The following PCDHGA8 variants were observed in gnomAD, a reference collection of about 807,000 sequenced individuals.
PCDHGA8 encodes the protein protocadherin gamma-A8.
In PCDHGA8, 45 loss-of-function variants were observed where a neutral mutation model predicts 59.2. That is an observed-to-expected ratio of 0.76 (90% confidence interval 0.60 to 0.98). The LOEUF is 0.98. Among genes scored for constraint, PCDHGA8 ranks in the 50% least tolerant of loss-of-function variants. PCDHGA8 has a pLI of 0.00. For missense variants in PCDHGA8, 1,257 were observed against 1,196.2 expected (o/e 1.05, Z -0.75); for synonymous variants, 531 against 519.0 (o/e 1.02, Z -0.32).
chr5:141,508,737 C>A (rs919094477), intron 3 of PCDHGA8, among the ~76,000 whole-genome samples: 8 of 152,010 alleles, frequency 5.3e-5, no homozygotes, highest in Non-Finnish European at 1.2e-4. Flanking sequence ...CTACACCCCC[C>A]ACCCCGCTCT....
At position 141,394,104 on chromosome 5, in the gene PCDHGA8, C is replaced by T. The variant is rs761567726; in HGVS notation, c.1291C>T (p.Pro431Ser). ...GATGGCCTCAGATCTAGGAACACCA[C>T]CTCTGTCCACTGAAACTCAAATCGC... ...TVMASDLGTP[P>S]LSTETQIALH... Residue 431 changes from proline to serine, a missense_variant, in exon 1 of 4, where the codon CCT becomes TCT. Coordinates refer to ENST00000398604, the MANE Select transcript of PCDHGA8 (RefSeq NM_032088.2). 6.2e-7 allele frequency: 1 copy of T among 1,613,824 alleles called. No individual in the cohort carries two copies. The highest frequency in any genetic ancestry group is 1.3e-5 in the African/African-American group (1 of 74,926).
intron 1 of PCDHGA8, chr5:141,400,255 C>A (rs2093990770): frequency 4.3e-6 from 7 of 1,613,928 alleles, no homozygotes; most frequent in Non-Finnish European, 1.7e-6. Context: ...CGTTGCCTTG[C>A]GCCTGCGACG....
intron 1 of PCDHGA8, among the ~76,000 whole-genome samples, chr5:141,469,212 G>A (rs114294512): frequency 0.021 from 3,174 of 151,360 alleles, 54 homozygotes; most frequent in Non-Finnish European, 0.032. Flanking sequence ...TTGAAGTTGA[G>A]GCTTCAGTGA....
intron 1 of PCDHGA8, chr5:141,404,577 T>C (rs2094542300): frequency 6.2e-7 from 1 of 1,613,954 alleles, no homozygotes; most frequent in South Asian, 1.1e-5. Context: ...AGCCCACCAC[T>C]TAGCAGCAAT....
chr5:141,427,998 C>T, intron 1 of PCDHGA8: 1 of 1,600,956 alleles, frequency 6.2e-7, no homozygotes, highest in Non-Finnish European at 8.6e-7. Flanking sequence ...TGGCTCCGCA[C>T]TCTTCGATAT....
chr5:141,483,620 A>G (rs192148102), intron 1 of PCDHGA8, among the ~76,000 whole-genome samples: 472 of 151,650 alleles, frequency 3.1e-3, no homozygotes, highest in Non-Finnish European at 5.0e-3. Context: ...CATCATTCCC[A>G]TGGGAGAAGG....
At chr5:141,497,541 T>C (rs1157403777) in intron 2 of PCDHGA8, among the ~76,000 whole-genome samples, 9 of 89,564 alleles carry the variant, frequency 1.0e-4, no homozygotes, top group Non-Finnish European at 2.1e-4. Context: ...GCAACAAACC[T>C]TTTTTTTTTT....
rs756658304 is a variant in PCDHGA8, at chr5:141,485,531, G to C, written c.2425-9276G>C. 6.8e-6 allele frequency: 11 copies of C among 1,614,218 alleles called. No homozygotes were observed. In the Admixed American group the frequency reaches 1.5e-4, roughly 22 times the overall value. On this transcript the variant is annotated intron_variant, in intron 1 of 3. Transcript: ENST00000398604. This position sits in a 1 kb window ranked among gnomAD's most constrained non-coding sequence, Gnocchi z 5.7. ...AGGTCCTTTGGAAATGTACCGAGCA[G>C]AGGTAGAGATCGTAGATGTGAATGA... is the stretch of plus-strand genomic sequence containing the variant.
At chr5:141,423,755 G>GT (rs542747697) in intron 1 of PCDHGA8, 5 of 512,416 alleles carry the variant, frequency 9.8e-6, no homozygotes, top group Admixed American at 7.1e-5. Context: ...CTGTTTGGGG[G>GT]GGGGGTGGGG....
intron 1 of PCDHGA8, among the ~76,000 whole-genome samples, chr5:141,442,843 G>C (rs1264073611): frequency 2.0e-5 from 3 of 152,134 alleles, no homozygotes; most frequent in African/African-American, 7.2e-5. Flanking sequence ...GACAAATCTT[G>C]GCCATTGTAG....
chr5:141,476,271 C>T lies in PCDHGA8; in HGVS notation c.2425-18536C>T. Reference sequence around the variant, plus strand: ...GGTTTCGCTGTGGGCAACGTGGTCGCGAACCTTGGTTTGGATCTCGGTAGC... The same window carrying T: ...GGTTTCGCTGTGGGCAACGTGGTCGTGAACCTTGGTTTGGATCTCGGTAGC... On this transcript the variant is annotated intron_variant, in intron 1 of 3. Coordinates refer to ENST00000398604, the MANE Select transcript of PCDHGA8 (RefSeq NM_032088.2). This position sits in a 1 kb window ranked among gnomAD's most constrained non-coding sequence, Gnocchi z 7.6. 4 of 1,613,892 alleles carry T rather than the reference C, an allele frequency of 2.5e-6. No homozygotes were observed. The highest frequency in any genetic ancestry group is 3.4e-6 in the Non-Finnish European group (4 of 1,179,974).
intron 1 of PCDHGA8, chr5:141,426,449 G>A (rs1449929836): frequency 1.6e-5 from 5 of 307,646 alleles, no homozygotes; most frequent in East Asian, 8.0e-5. Flanking sequence ...GAGGACATGC[G>A]GCTGCATGTT....
At chr5:141,456,599 A>T (rs2098870253) in intron 1 of PCDHGA8, among the ~76,000 whole-genome samples, 1 of 152,174 alleles carries the variant, frequency 6.6e-6, no homozygotes, top group African/African-American at 2.4e-5. Flanking sequence ...TTTTGATTTG[A>T]TTTTTAAGTC....
intron 1 of PCDHGA8, chr5:141,478,585 T>A (rs1474599564): frequency 1.3e-5 from 20 of 1,576,728 alleles, no homozygotes; most frequent in Non-Finnish European, 1.7e-5. Flanking sequence ...TGTTAGTGCT[T>A]TTTTATTCCT....
chr5:141,435,951 G>A (rs371199258), intron 1 of PCDHGA8, among the ~76,000 whole-genome samples: 1 of 152,100 alleles, frequency 6.6e-6, no homozygotes, highest in Non-Finnish European at 1.5e-5. Context: ...ACCAAAAAAG[G>A]GGGCAAAATA....
In PCDHGA8 at chr5:141,486,499, C is replaced by G. The variant is rs1487201957; in HGVS notation, c.2425-8308C>G. 2 of 1,614,010 alleles carry G rather than the reference C, an allele frequency of 1.2e-6. No homozygotes were observed. Among genetic ancestry groups the G allele is most frequent in the Non-Finnish European group, 1.7e-6 (2 of 1,179,874 alleles). On this transcript the variant is annotated intron_variant, in intron 1 of 3. Coordinates refer to ENST00000398604, the MANE Select transcript of PCDHGA8 (RefSeq NM_032088.2). This position sits in a 1 kb window ranked among gnomAD's most constrained non-coding sequence, Gnocchi z 5.0. ...CTCTCAGTACCCACAGAACTATTTT[C>G]CTCAATATTTCAGATGTGAATGATA...
chr5:141,430,404 A>C (rs1054341813), intron 1 of PCDHGA8, among the ~76,000 whole-genome samples: 1 of 152,000 alleles, frequency 6.6e-6, no homozygotes, highest in African/African-American at 2.4e-5. Context: ...AAAGCTCACT[A>C]AAGTTTCTAT....
intron 1 of PCDHGA8, chr5:141,415,481 A>G: frequency 1.9e-6 from 3 of 1,614,114 alleles, no homozygotes; most frequent in Non-Finnish European, 1.7e-6. Flanking sequence ...GACTCGCGAA[A>G]GAGTCACCTG....
At position 141,493,726 on chromosome 5, in the gene PCDHGA8, G is replaced by C. The variant is rs1032021616; in HGVS notation, c.2425-1081G>C. ...CTGGAATGCTAGGTTTCTGGGTTCT[G>C]CTCATATCACTGCCACCTGTGAGCC... On this transcript the variant is annotated intron_variant, in intron 1 of 3. Coordinates refer to ENST00000398604, the MANE Select transcript of PCDHGA8 (RefSeq NM_032088.2). This position sits in a 1 kb window ranked among gnomAD's most constrained non-coding sequence, Gnocchi z 4.3. Among the ~76,000 whole-genome samples, 2 of 152,154 alleles carry C rather than the reference G, an allele frequency of 1.3e-5. No individual in the cohort carries two copies. Among genetic ancestry groups the C allele is most frequent in the African/African-American group, 4.8e-5 (2 of 41,438 alleles).
Sources: gnomAD v4.1 joint callset for allele counts (sites outside exome capture counted in the v4.1 genomes callset) on GRCh38, gnomAD v4.1.1 for gene constraint, Gnocchi (gnomAD v3.1) non-coding constraint, MANE v1.5 for transcripts, NCBI Gene and HGNC (gene_info 2026-07-23, HGNC 2026-07-21) for gene names.